Variants in PTPRS observed in about 807,000 individuals in gnomAD.
PTPRS encodes protein tyrosine phosphatase receptor type S, also known as receptor-type tyrosine-protein phosphatase S.
A neutral mutation model predicts 215.3 loss-of-function variants in PTPRS; 63 were observed. The ratio of observed to expected loss-of-function variants is 0.29; its 90% confidence interval spans 0.24 to 0.36. PTPRS has a LOEUF of 0.36. Ranked by LOEUF, PTPRS falls within the 10% of genes least tolerant of loss-of-function variation. The pLI is 1.00. For synonymous variants in PTPRS, 1,404 were observed against 1,191.4 expected (o/e 1.18, Z -3.68); for missense variants, 2,258 against 2,825.8 (o/e 0.80, Z 4.56).
chr19:5,206,362 C>A lies in PTPRS; in HGVS notation c.*412G>T, dbSNP rs1396758205. The stretch of plus-strand genomic sequence containing the variant: ...CTGGATTCTGGTCCCAGCCCAGTGT[C>A]CCCAGGCTGCAGAGCGGGGAGGAGC... On this transcript the variant is annotated 3_prime_UTR_variant, in exon 38 of 38. Transcript: ENST00000262963. 2 of 239,564 alleles carry A rather than the reference C, an allele frequency of 8.3e-6. No individual in the cohort carries two copies. The highest frequency in any genetic ancestry group is 1.6e-5 in the Non-Finnish European group (2 of 122,730). The allele number at this position is 239,564 out of a possible 1,614,324, so 14.8% of individuals were successfully genotyped here.
intron 1 of PTPRS, among the ~76,000 whole-genome samples, chr19:5,313,956 A>G (rs1341922505): frequency 6.8e-6 from 1 of 147,536 alleles, no homozygotes; most frequent in Non-Finnish European, 1.5e-5. Context: ...TAATAATAAT[A>G]ATAATAATAA....
At chr19:5,266,752 G>A (rs965588027) in intron 4 of PTPRS, among the ~76,000 whole-genome samples, 1 of 152,054 alleles carries the variant, frequency 6.6e-6, no homozygotes, top group Non-Finnish European at 1.5e-5. Flanking sequence ...CTGCTTGCCC[G>A]CTGCTGGCCC....
At chr19:5,298,115 G>A (rs575853094) in intron 1 of PTPRS, among the ~76,000 whole-genome samples, 90 of 152,234 alleles carry the variant, frequency 5.9e-4, no homozygotes, top group African/African-American at 1.9e-3. Context: ...TTTCTTCTAT[G>A]CATACGAATG....
Position 5,338,334 on chromosome 19 carries a change from G to GTGGCCCCCAGGGGGCTGGGAGGCC in PTPRS, c.-95+2306_-95+2329dup, listed in dbSNP as rs561397172. Among the ~76,000 whole-genome samples the GTGGCCCCCAGGGGGCTGGGAGGCC allele has an allele frequency of 1.5e-3, 227 of 152,288 alleles. 1 individual carries two copies. Among genetic ancestry groups the GTGGCCCCCAGGGGGCTGGGAGGCC allele is most frequent in the Admixed American group, 7.2e-3 (110 of 15,310 alleles). ...TCAGGATGATGGAGTATGGCGGGCG[G>GTGGCCCCCAGGGGGCTGGGAGGCC]TGGCCCCCAGGGGGCTGGGAGGCCT... On this transcript the variant is annotated intron_variant, in intron 1 of 37. Transcript: ENST00000262963. The surrounding 1 kb of genome is among the most constrained non-coding windows in gnomAD (Gnocchi z 4.2).
intron 1 of PTPRS, among the ~76,000 whole-genome samples, chr19:5,313,977 A>C: frequency 6.7e-6 from 1 of 148,534 alleles, no homozygotes. Flanking sequence ...TAATAAATAA[A>C]AGTAAAAAAA....
At chr19:5,318,423 T>A (rs1172668342) in intron 1 of PTPRS, among the ~76,000 whole-genome samples, 1 of 152,008 alleles carries the variant, frequency 6.6e-6, no homozygotes, top group African/African-American at 2.4e-5. Flanking sequence ...CAGAACAGGC[T>A]GCACCCCAGC....
intron 1 of PTPRS, among the ~76,000 whole-genome samples, chr19:5,311,687 G>C (rs2049708083): frequency 6.6e-6 from 1 of 152,276 alleles, no homozygotes; most frequent in African/African-American, 2.4e-5. Context: ...TGGCGGCTGG[G>C]GTGGAGATGG....
intron 23 of PTPRS, 38 bp downstream of exon 23, chr19:5,219,272 C>G: frequency 6.2e-7 from 1 of 1,611,652 alleles, no homozygotes; most frequent in Non-Finnish European, 8.5e-7. Flanking sequence ...GAAGCCCTCC[C>G]TGCTGTCAAG....
chr19:5,222,619 G>A (rs2042091611), intron 18 of PTPRS, 70 bp downstream of exon 18: 4 of 1,416,822 alleles, frequency 2.8e-6, no homozygotes, highest in Admixed American at 5.4e-5. Flanking sequence ...CAGGGGAGAG[G>A]GAGGGGGCTG....
At chr19:5,319,687 C>A (rs139084670) in intron 1 of PTPRS, among the ~76,000 whole-genome samples, 12 of 152,142 alleles carry the variant, frequency 7.9e-5, no homozygotes, top group Admixed American at 3.3e-4. Flanking sequence ...GGCCTCCTCG[C>A]TGTTCCTCCA....
rs186892889 is a variant in PTPRS at position 5,299,077 on chromosome 19, C to T, written c.-94-12843G>A. ...AGTCACCTCTGCCCTGGTCCCCAGCCTCCCACCCTCGCCCTCCAGTCTGTC... is the reference window on the plus strand; with the variant it reads ...AGTCACCTCTGCCCTGGTCCCCAGCTTCCCACCCTCGCCCTCCAGTCTGTC... On this transcript the variant is annotated intron_variant, in intron 1 of 37. Coordinates refer to ENST00000262963, the MANE Select transcript of PTPRS (RefSeq NM_002850.4). Among the ~76,000 whole-genome samples, 4 of 152,324 alleles carry T rather than the reference C, an allele frequency of 2.6e-5. No homozygotes were observed. The East Asian group carries it at 7.7e-4, about 29-fold the overall frequency.
rs1480936446 is a variant in PTPRS, at chr19:5,338,213, C to A, written c.-95+2451G>T. Among the ~76,000 whole-genome samples, 1 of 152,196 alleles carries A rather than the reference C, an allele frequency of 6.6e-6. No individual in the cohort carries two copies. The highest frequency in any genetic ancestry group is 1.5e-5 in the Non-Finnish European group (1 of 68,034). The stretch of plus-strand genomic sequence containing the variant: ...CCTGGGGGGTTAGGGGCAATGTCAT[C>A]GGCCAGGGTGGCAGAAATAGAAAAG... On this transcript the variant is annotated intron_variant, in intron 1 of 37. Transcript: ENST00000262963. The surrounding 1 kb of genome is among the most constrained non-coding windows in gnomAD (Gnocchi z 4.2).
At chr19:5,247,364 G>A (rs2146022082) in intron 9 of PTPRS, among the ~76,000 whole-genome samples, 1 of 152,240 alleles carries the variant, frequency 6.6e-6, no homozygotes, top group South Asian at 2.1e-4. Context: ...GTTTTCGGAA[G>A]TCAGATGGGT....
At position 5,273,506 on chromosome 19, in the gene PTPRS, G is replaced by A. The variant is rs1232998256; in HGVS notation, c.315C>T (p.Tyr105=). 12 of 1,614,014 alleles carry A rather than the reference G, an allele frequency of 7.4e-6. No individual in the cohort carries two copies. The highest frequency in any genetic ancestry group is 2.2e-5 in the East Asian group (1 of 44,890). The change falls in exon 4 of 38, where the codon TAC becomes TAT. Residue 105 remains tyrosine (Y), a synonymous_variant. Transcript: ENST00000262963. The part of the protein sequence containing the change: ...PLRTPRDENV[Y]ECVAQNSVGE... ...CAACCGAGTTCTGGGCCACACACTCGTACACGTTTTCATCCCGCGGTGTCC... is the reference window on the plus strand; with the variant it reads ...CAACCGAGTTCTGGGCCACACACTCATACACGTTTTCATCCCGCGGTGTCC...
intron 14 of PTPRS, among the ~76,000 whole-genome samples, chr19:5,230,129 C>T (rs1038634250): frequency 3.9e-5 from 6 of 152,190 alleles, no homozygotes; most frequent in Non-Finnish European, 7.3e-5. Flanking sequence ...TTCCTAAATA[C>T]CCAAGCAGGC....
At chr19:5,224,393 A>G (rs2042289463) in intron 17 of PTPRS, among the ~76,000 whole-genome samples, 1 of 152,170 alleles carries the variant, frequency 6.6e-6, no homozygotes, top group African/African-American at 2.4e-5. Context: ...TAATAAGGCA[A>G]CCATCTCCTG....
Position 5,222,280 on chromosome 19 carries a change from ACTGGGTGGCGTGAAG to A in PTPRS, c.3104-75_3104-61del, listed in dbSNP as rs1333867756. ...AAGAGAGGCCCCATGAGTGCCTGGC[ACTGGGTGGCGTGAAG>A]CGGGGTGGGGTGGGGCGGCCCAGGC... is the stretch of plus-strand genomic sequence containing the variant. On this transcript the variant is annotated intron_variant, in intron 18 of 37. Coordinates refer to ENST00000262963, the MANE Select transcript of PTPRS (RefSeq NM_002850.4). 8 of 1,423,902 alleles carry A rather than the reference ACTGGGTGGCGTGAAG, an allele frequency of 5.6e-6. No homozygotes were observed. The South Asian group carries it at 8.0e-5, about 14-fold the overall frequency. The allele number at this position is 1,423,902 out of a possible 1,614,324, so 88.2% of individuals were successfully genotyped here.
chr19:5,242,807 T>C (rs1280462754), intron 11 of PTPRS, among the ~76,000 whole-genome samples: 2 of 152,050 alleles, frequency 1.3e-5, no homozygotes, highest in African/African-American at 2.4e-5. Context: ...AGTGATCCTC[T>C]CATCTCAGCC....
chr19:5,223,615 T>G (rs1407123223), intron 17 of PTPRS, among the ~76,000 whole-genome samples: 2 of 148,640 alleles, frequency 1.3e-5, no homozygotes, highest in Non-Finnish European at 3.0e-5. Flanking sequence ...CAGGCTGAAG[T>G]GCAGTAGCCC....
Sources: gnomAD v4.1 joint callset for allele counts (sites outside exome capture counted in the v4.1 genomes callset) on GRCh38, gnomAD v4.1.1 for gene constraint, Gnocchi (gnomAD v3.1) non-coding constraint, MANE v1.5 for transcripts, NCBI Gene and HGNC (gene_info 2026-07-23, HGNC 2026-07-21) for gene names.